AKAP3: variants seen among roughly 807,000 people sequenced by gnomAD.
AKAP3 encodes A-kinase anchor protein 3.
AKAP3 carries 27 observed loss-of-function variants against 57.2 expected under a neutral mutation model. The observed-to-expected ratio is 0.47, with a 90% confidence interval of 0.35 to 0.65. The LOEUF is 0.65. Among genes scored for constraint, AKAP3 ranks in the 30% least tolerant of loss-of-function variants. AKAP3 has a pLI of 0.01. For synonymous variants in AKAP3, 334 were observed against 392.3 expected, an observed-to-expected ratio of 0.85 and a Z score of 1.76; for missense variants, 959 against 1,040.0, an observed-to-expected ratio of 0.92 and a Z score of 1.07.
chr12:4,634,567 C>T (rs1945540651), intron 4 of AKAP3, among the ~76,000 whole-genome samples: 1 of 152,138 alleles, frequency 6.6e-6, no homozygotes, highest in African/African-American at 2.4e-5. Context: ...ACAACAAAAC[C>T]TATGTAATGG....
chr12:4,620,185 G>T (rs1945329102), intron 5 of AKAP3, among the ~76,000 whole-genome samples: 1 of 152,014 alleles, frequency 6.6e-6, no homozygotes, highest in Admixed American at 6.6e-5. Flanking sequence ...TTTAGAAAAA[G>T]AATAGGAAAA....
intron 5 of AKAP3, among the ~76,000 whole-genome samples, chr12:4,619,147 A>G (rs1945318002): frequency 6.6e-6 from 1 of 152,246 alleles, no homozygotes; most frequent in Non-Finnish European, 1.5e-5. Flanking sequence ...AATTATTACA[A>G]CAAATGAAAG....
chr12:4,648,579 G>A (rs144668835), intron 1 of AKAP3, 166 bp downstream of exon 1: 635 of 152,528 alleles, frequency 4.2e-3, no homozygotes, highest in Non-Finnish European at 6.7e-3. Context: ...GTCCCTATGA[G>A]AGAATGTGCT....
intron 5 of AKAP3, among the ~76,000 whole-genome samples, chr12:4,624,809 G>GTGTGTGTGTGTGTGTGTGTGTGTGTGTGT (rs556324639): frequency 1.1e-5 from 1 of 87,828 alleles, no homozygotes; most frequent in Non-Finnish European, 2.4e-5. Flanking sequence ...AGTAGACAAA[G>GTGTGTGTGTGTGTGTGTGTGTGTGTGTGT]GTGTGTGTGT....
intron 3 of AKAP3, among the ~76,000 whole-genome samples, chr12:4,641,350 G>A (rs775236471): frequency 7.2e-5 from 11 of 151,916 alleles, no homozygotes; most frequent in Non-Finnish European, 1.2e-4. Flanking sequence ...CAAGTAGTTG[G>A]GACTACACCA....
intron 4 of AKAP3, chr12:4,635,986 T>C: frequency 7.6e-7 from 1 of 1,308,998 alleles, no homozygotes; most frequent in Middle Eastern, 1.9e-4. Context: ...TTTTATCACT[T>C]TGAGAGTTAC....
chr12:4,648,381 G>C (rs1945724621), intron 1 of AKAP3: 1 of 152,228 alleles, frequency 6.6e-6, no homozygotes, highest in African/African-American at 2.4e-5. Flanking sequence ...AGAACTCCTA[G>C]ATTCATATGC....
intron 4 of AKAP3, among the ~76,000 whole-genome samples, chr12:4,630,671 T>C (rs1358207855): frequency 6.6e-6 from 1 of 152,202 alleles, no homozygotes; most frequent in Non-Finnish European, 1.5e-5. Flanking sequence ...CCTTCCACAT[T>C]ATCTGATTCT....
chr12:4,623,156 G>A (rs1167676327), intron 5 of AKAP3, among the ~76,000 whole-genome samples: 11 of 152,216 alleles, frequency 7.2e-5, no homozygotes, highest in Admixed American at 7.2e-4. Context: ...TACACTGTTG[G>A]TGGGAGTGTA....
intron 3 of AKAP3, among the ~76,000 whole-genome samples, chr12:4,641,452 GA>G (rs1945636824): frequency 6.6e-6 from 1 of 152,198 alleles, no homozygotes. Flanking sequence ...GACCTCAAGT[GA>G]TCCGCCAGCC....
At position 4,627,048 on chromosome 12, in the gene AKAP3, C is replaced by T. The variant is rs760453306; in HGVS notation, c.1854G>A (p.Pro618=). ...KRDQSPEPKV[P]EQPVKEDRKL... ...TCCTATCTTCCTTAACTGGCTGTTC[C>T]GGCACCTTGGGTTCAGGGCTCTGGT... is the stretch of plus-strand genomic sequence containing the variant. The change falls in exon 5 of 6, where the codon CCG becomes CCA. Residue 618 remains proline (P), a synonymous_variant. Coordinates refer to ENST00000228850, the MANE Select transcript of AKAP3 (RefSeq NM_001278309.2). 2.5e-5 allele frequency: 40 copies of T among 1,613,830 alleles called. No individual in the cohort carries two copies. Among genetic ancestry groups the T allele is most frequent in the Admixed American group, 1.8e-4 (11 of 59,978 alleles).
In AKAP3 at chr12:4,628,618, T is replaced by A. The variant is rs1248142309; in HGVS notation, c.284A>T (p.Glu95Val). The change falls in exon 5 of 6, where the codon GAA becomes GTA. Residue 95 changes from glutamate to valine, a missense_variant. Glu to Val is a moderately radical substitution (Grantham distance 121). Coordinates refer to ENST00000228850, the MANE Select transcript of AKAP3 (RefSeq NM_001278309.2). ...GTGAGTCATCTCAAAATGCAATCTTTCTGGAGTGCCCTTGGTGGTGGTGTT... is the reference window on the plus strand; with the variant it reads ...GTGAGTCATCTCAAAATGCAATCTTACTGGAGTGCCCTTGGTGGTGGTGTT... ...YYNTTTKGTP[E>V]RLHFEMTHKE... 1 of 1,614,076 alleles carries A rather than the reference T, an allele frequency of 6.2e-7. No individual in the cohort carries two copies. Among genetic ancestry groups the A allele is most frequent in the Non-Finnish European group, 8.5e-7 (1 of 1,180,024 alleles).
intron 3 of AKAP3, among the ~76,000 whole-genome samples, chr12:4,641,439 C>T (rs1478650651): frequency 1.3e-5 from 2 of 152,204 alleles, no homozygotes; most frequent in African/African-American, 4.8e-5. Context: ...GTCTCGAACT[C>T]CTGACCTCAA....
rs1236949166 is a variant in AKAP3, at chr12:4,648,485, G to A, written c.-245+260C>T. ...TAGGATGGTCAGAGAAGTTTTATCC[G>A]AAGAGGTCACTTTTGAGCAGAGACT... On this transcript the variant is annotated intron_variant, in intron 1 of 5. Transcript: ENST00000228850. 6 of 152,260 alleles carry A rather than the reference G, an allele frequency of 3.9e-5. No homozygotes were observed. The East Asian group carries it at 1.2e-3, about 29-fold the overall frequency. The allele number at this position is 152,260 out of a possible 1,614,324, so 9.4% of individuals were successfully genotyped here. A position where few individuals can be genotyped will look rare whatever the true frequency, so the allele number is the denominator to read the frequency against.
At chr12:4,636,117 T>G in intron 4 of AKAP3, 1 of 1,019,400 alleles carries the variant, frequency 9.8e-7, no homozygotes, top group Non-Finnish European at 1.5e-6. Flanking sequence ...ATATTTTATT[T>G]CCAGTATTTG....
chr12:4,631,057 G>A lies in AKAP3; in HGVS notation c.97-2252C>T, dbSNP rs1035052482. On this transcript the variant is annotated intron_variant, in intron 4 of 5. Coordinates refer to ENST00000228850, the MANE Select transcript of AKAP3 (RefSeq NM_001278309.2). ...CTCATGAAACAGGTGCACTAGGTGT[G>A]TCTTTTCTCAGCCTCCAGAGTAGCA... is the stretch of plus-strand genomic sequence containing the variant. Among the ~76,000 whole-genome samples the A allele has an allele frequency of 2.0e-5, 3 of 152,096 alleles. No individual in the cohort carries two copies. In the South Asian group the frequency reaches 6.2e-4, roughly 32 times the overall value.
At chr12:4,616,651 T>TA (rs1206548222) in intron 5 of AKAP3, among the ~76,000 whole-genome samples, 8 of 152,100 alleles carry the variant, frequency 5.3e-5, no homozygotes, top group Non-Finnish European at 2.9e-5. Flanking sequence ...AACTAAAACT[T>TA]ACCTACAAAA....
In AKAP3 at chr12:4,649,039, T is replaced by G. The variant is rs984629591; in HGVS notation, c.-539A>C. 4.7e-6 allele frequency: 7 copies of G among 1,477,992 alleles called. No individual in the cohort carries two copies. The African/African-American group carries it at 9.7e-5, about 21-fold the overall frequency. The allele number at this position is 1,477,992 out of a possible 1,614,324, so 91.6% of individuals were successfully genotyped here. On this transcript the variant is annotated 5_prime_UTR_variant, in exon 1 of 6. Coordinates refer to ENST00000228850, the MANE Select transcript of AKAP3 (RefSeq NM_001278309.2). ...AAACCGTCGTTTCTTGGTTAGCGCT[T>G]GCGCAGACAGGCGAGAAAGGTAAGT... is the stretch of plus-strand genomic sequence containing the variant.
In AKAP3 at chr12:4,628,803, G is replaced by A. The variant is rs776842515; in HGVS notation, c.99C>T (p.Asp33=). Residue 33 remains aspartate, a splice_region_variant and synonymous_variant, in exon 5 of 6, where the codon GAC becomes GAT. Transcript: ENST00000228850. ...GDNQAQDWKM[D]TSTDPVRVLS... ...GCACTCTGACAGGATCCGTGGAGGT[G>A]TCCTTAAAAATAGACAAGGATTCAT... 3.8e-6 allele frequency: 6 copies of A among 1,597,554 alleles called. No homozygotes were observed. In the Admixed American group the frequency reaches 1.0e-4, roughly 27 times the overall value.
Sources: gnomAD v4.1 joint callset for allele counts (sites outside exome capture counted in the v4.1 genomes callset) on GRCh38, gnomAD v4.1.1 for gene constraint, MANE v1.5 for transcripts, NCBI Gene and HGNC (gene_info 2026-07-23, HGNC 2026-07-21) for gene names.